LRP1: variants seen among roughly 807,000 people sequenced by gnomAD.
LRP1 encodes the protein LDL receptor related protein 1.
LRP1 carries 51 observed loss-of-function variants against 541.5 expected under a neutral mutation model. That is an observed-to-expected ratio of 0.09 (90% confidence interval 0.08 to 0.12). LRP1 has a LOEUF of 0.12. Ranked by LOEUF, LRP1 falls within the 10% of genes least tolerant of loss-of-function variation. LRP1 has a pLI of 1.00. For synonymous variants in LRP1, 2,219 were observed against 2,470.8 expected (o/e 0.90, Z 3.02); for missense variants, 3,878 against 6,376.2 (o/e 0.61, Z 13.34).
At chr12:57,166,063 C>T (rs780429122) in intron 16 of LRP1, 21 bp from the exon 17 acceptor site, 1 of 1,614,000 alleles carries the variant, frequency 6.2e-7, no homozygotes, top group Non-Finnish European at 8.5e-7. Flanking sequence ...CTCGCTGACC[C>T]CTGACTCATT....
chr12:57,195,831 G>C (rs760255893), intron 53 of LRP1, 32 bp from the exon 54 acceptor site: 23 of 1,613,918 alleles, frequency 1.4e-5, no homozygotes, highest in Non-Finnish European at 1.8e-5. Context: ...CCGGGCCAGG[G>C]CATCAGCCTC....
Position 57,176,083 on chromosome 12 carries a change from G to T in LRP1, c.3968G>T (p.Arg1323Leu). 3 of 1,614,130 alleles carry T rather than the reference G, an allele frequency of 1.9e-6. No homozygotes were observed. The highest frequency in any genetic ancestry group is 4.5e-5 in the East Asian group (2 of 44,884). The stretch of plus-strand genomic sequence containing the variant: ...GACGTGGTGGAGGACAAGATCTACC[G>T]CGGGAAGCTGCTGGACAACGGAGGT... ...WTDVVEDKIY[R>L]GKLLDNGALT... Residue 1323 changes from arginine to leucine, a missense_variant, in exon 24 of 89, where the codon CGC (arginine) becomes CTC (leucine). By Grantham distance (102) the Arg-to-Leu change is moderately radical. This residue lies in a region of LRP1 where 320 missense variants were observed against 547.9 expected (regional missense o/e 0.58). Coordinates refer to ENST00000243077, the MANE Select transcript of LRP1 (RefSeq NM_002332.3).
At chr12:57,174,202 C>G (rs1221201438) in intron 22 of LRP1, among the ~76,000 whole-genome samples, 1 of 152,214 alleles carries the variant, frequency 6.6e-6, no homozygotes, top group Non-Finnish European at 1.5e-5. Context: ...CAAGGCATCC[C>G]TGGGGGCCAG....
chr12:57,198,166 G>T lies in LRP1; in HGVS notation c.9293G>T (p.Arg3098Leu). The stretch of plus-strand genomic sequence containing the variant: ...TGCCCCTTCCTGCAGGTCCTACACC[G>T]TACAGGCCTCAGCAACCCCGATGGG... ...LNGSNVQVLH[R>L]TGLSNPDGLA... The change falls in exon 59 of 89, where the codon CGT (arginine) becomes CTT (leucine). Residue 3098 changes from arginine to leucine, a missense_variant. By Grantham distance (102) the Arg-to-Leu change is moderately radical (BLOSUM62 -2). Transcript: ENST00000243077. 3 of 1,611,614 alleles carry T rather than the reference G, an allele frequency of 1.9e-6. No individual in the cohort carries two copies. Among genetic ancestry groups the T allele is most frequent in the Non-Finnish European group, 2.5e-6 (3 of 1,179,394 alleles).
Position 57,162,424 on chromosome 12 carries a change from G to C in LRP1, c.2310G>C (p.Arg770=). 9.3e-6 allele frequency: 15 copies of C among 1,614,074 alleles called. No individual in the cohort carries two copies. Among genetic ancestry groups the C allele is most frequent in the Non-Finnish European group, 1.3e-5 (15 of 1,180,012 alleles). ...YRSGSVYRLE[R]GVGGAPPTVT... ...GTGGCAGTGTCTACCGCTTGGAACG[G>C]GGTGTAGGAGGCGCACCCCCCACTG... The change falls in exon 14 of 89, where the codon CGG becomes CGC. Residue 770 remains arginine (R), a synonymous_variant. Coordinates refer to ENST00000243077, the MANE Select transcript of LRP1 (RefSeq NM_002332.3). The surrounding 1 kb of genome is among the most constrained non-coding windows in gnomAD (Gnocchi z 5.2).
chr12:57,173,331 G>A lies in LRP1; in HGVS notation c.3327G>A (p.Lys1109=). 1 of 1,613,626 alleles carries A rather than the reference G, an allele frequency of 6.2e-7. No homozygotes were observed. Among genetic ancestry groups the A allele is most frequent in the Non-Finnish European group, 8.5e-7 (1 of 1,179,616 alleles). ...GVTHVCDPSV[K]FGCKDSARCI... is the part of the protein sequence containing the mutation. ...CCCACGTCTGCGATCCCAGTGTCAA[G>A]TTTGGCTGCAAGGACTCAGGTGAAG... is the stretch of plus-strand genomic sequence containing the variant. Residue 1109 remains lysine (K), a synonymous_variant, in exon 21 of 89, where the codon AAG becomes AAA. Transcript: ENST00000243077. The surrounding 1 kb of genome is among the most constrained non-coding windows in gnomAD (Gnocchi z 4.7).
Position 57,198,025 on chromosome 12 carries a change from A to G in LRP1, c.9283-131A>G. The stretch of plus-strand genomic sequence containing the variant: ...GCCCAGGACTGGGCATTTTACTTCC[A>G]TGGTTCTCCCACCAGAGCTGTCAGA... On this transcript the variant is annotated intron_variant, in intron 58 of 88. Transcript: ENST00000243077. 9.3e-6 allele frequency: 7 copies of G among 751,370 alleles called. No homozygotes were observed. The South Asian group carries it at 1.1e-4, about 12-fold the overall frequency. 46.5% of individuals were successfully genotyped at this position (751,370 alleles called of 1,614,324 possible). A position where few individuals can be genotyped will look rare whatever the true frequency, so the allele number is the denominator to read the frequency against.
chr12:57,141,222 T>C, intron 2 of LRP1, 152 bp from the exon 3 acceptor site: 1 of 815,102 alleles, frequency 1.2e-6, no homozygotes, highest in Non-Finnish European at 1.9e-6. Flanking sequence ...TGGGGAATAT[T>C]GTAAAAGAGT....
intron 44 of LRP1, among the ~76,000 whole-genome samples, 158 bp from the exon 45 acceptor site, chr12:57,192,687 A>G (rs2036439240): frequency 2.0e-5 from 3 of 152,188 alleles, no homozygotes; most frequent in Admixed American, 2.0e-4. Context: ...CACAGCAGCC[A>G]TCCCCATGCC....
chr12:57,150,073 C>T (rs949887863), intron 6 of LRP1: 15 of 273,742 alleles, frequency 5.5e-5, no homozygotes, highest in South Asian at 2.1e-4. Flanking sequence ...GTGTGTCAGA[C>T]GCCTGAGACA....
At position 57,179,726 on chromosome 12, in the gene LRP1, T is replaced by TC; in HGVS notation, c.4967-54dup. On this transcript the variant is annotated intron_variant, in intron 29 of 88. Coordinates refer to ENST00000243077, the MANE Select transcript of LRP1 (RefSeq NM_002332.3). This position sits in a 1 kb window ranked among gnomAD's most constrained non-coding sequence, Gnocchi z 6.8. ...TCTCCAGAAGGCACACTGGCTCCCC[T>TC]CCTGACCCACTGCCCTGCAGACACC... 6.5e-7 allele frequency: 1 copy of TC among 1,549,930 alleles called. No homozygotes were observed. The highest frequency in any genetic ancestry group is 1.7e-5 in the Admixed American group (1 of 59,248).
chr12:57,154,210 G>A lies in LRP1; in HGVS notation c.844G>A (p.Val282Met), dbSNP rs937133751. Residue 282 changes from valine (V) to methionine (M), a missense_variant and splice_region_variant, in exon 7 of 89, where the codon GTG becomes ATG. Physicochemically the swap from Val to Met is conservative, Grantham distance 21. Transcript: ENST00000243077. This position sits in a 1 kb window ranked among gnomAD's most constrained non-coding sequence, Gnocchi z 4.6. ...GCTCTTTCATTCGTACTCTCCAGAC[G>A]TGGAACAGATGGCCATCGACTGGCT... is the stretch of plus-strand genomic sequence containing the variant. ...TINISLSLHH[V>M]EQMAIDWLTG... The A allele has an allele frequency of 5.6e-6, 9 of 1,613,612 alleles. No individual in the cohort carries two copies. Among genetic ancestry groups the A allele is most frequent in the South Asian group, 1.1e-5 (1 of 91,032 alleles).
intron 3 of LRP1, 111 bp from the exon 4 acceptor site, chr12:57,143,568 A>G (rs2035339820): frequency 1.1e-5 from 15 of 1,326,874 alleles, no homozygotes; most frequent in Non-Finnish European, 1.6e-5. Flanking sequence ...CTGACACTGC[A>G]GCCCTTAGAA....
chr12:57,145,144 C>T, intron 5 of LRP1, 44 bp downstream of exon 5: 1 of 1,613,540 alleles, frequency 6.2e-7, no homozygotes. Flanking sequence ...TAAGCCCCCT[C>T]AATGCTGTTC....
In LRP1 at chr12:57,200,826, G is replaced by GGGGC; in HGVS notation, c.10225+11_10225+12insGGGC. ...ACGAGGCCAACTGTGGTAAGGCGCT[G>GGGGC]CCCGCCCACCCTCCCTCCTTCCCCA... On this transcript the variant is annotated intron_variant, in intron 64 of 88. Transcript: ENST00000243077. 7 of 1,581,290 alleles carry GGGGC rather than the reference G, an allele frequency of 4.4e-6. No individual in the cohort carries two copies. The highest frequency in any genetic ancestry group is 5.2e-6 in the Non-Finnish European group (6 of 1,157,542).
rs1227291118 is a variant in LRP1, at chr12:57,173,495, G to A, written c.3346+145G>A. The A allele has an allele frequency of 3.0e-5, 28 of 940,578 alleles. No homozygotes were observed. Among genetic ancestry groups the A allele is most frequent in the Non-Finnish European group, 3.9e-5 (25 of 637,228 alleles). The allele number at this position is 940,578 out of a possible 1,614,324, so 58.3% of individuals were successfully genotyped here. ...AGTGCAAGGCAAAAGGCAGTCCAGA[G>A]GAAGCTTGTGTGTCATGGGTGGGGG... On this transcript the variant is annotated intron_variant, in intron 21 of 88. Transcript: ENST00000243077. This position sits in a 1 kb window ranked among gnomAD's most constrained non-coding sequence, Gnocchi z 4.7.
Position 57,178,682 on chromosome 12 carries a change from G to C in LRP1, c.4606+79G>C. ...AGCTGTAGAAGCTCTTAGGAGAGGAGAGGGCAGTGAGAACAGGAGCAAGTC... is the reference window on the plus strand; with the variant it reads ...AGCTGTAGAAGCTCTTAGGAGAGGACAGGGCAGTGAGAACAGGAGCAAGTC... On this transcript the variant is annotated intron_variant, in intron 27 of 88. Coordinates refer to ENST00000243077, the MANE Select transcript of LRP1 (RefSeq NM_002332.3). This position sits in a 1 kb window ranked among gnomAD's most constrained non-coding sequence, Gnocchi z 5.8. The C allele has an allele frequency of 6.3e-7, 1 of 1,591,262 alleles. No homozygotes were observed. The highest frequency in any genetic ancestry group is 1.1e-5 in the South Asian group (1 of 87,684).
chr12:57,202,373 G>A (rs1241785161), intron 67 of LRP1, 48 bp from the exon 68 acceptor site: 2 of 1,413,938 alleles, frequency 1.4e-6, no homozygotes, highest in African/African-American at 1.4e-5. Context: ...GGACCCTAAT[G>A]TCTGCCCCAG....
chr12:57,149,414 C>T (rs1208020678), intron 6 of LRP1: 2 of 575,946 alleles, frequency 3.5e-6, no homozygotes, highest in Non-Finnish European at 6.2e-6. Context: ...CAGCCCTGTC[C>T]TCTCCTCCCC....
Sources: gnomAD v4.1 joint callset for allele counts (sites outside exome capture counted in the v4.1 genomes callset) on GRCh38, gnomAD v4.1.1 for gene constraint, gnomAD v4.1.1 regional missense constraint, Gnocchi (gnomAD v3.1) non-coding constraint, MANE v1.5 for transcripts, NCBI Gene and HGNC (gene_info 2026-07-23, HGNC 2026-07-21) for gene names.